The following L1TD1 variants were observed in gnomAD, a reference collection of about 807,000 sequenced individuals.
L1TD1 encodes the protein LINE1 type transposase domain containing 1, also known as LINE-1 type transposase domain-containing protein 1.
Under a neutral mutation model 25.7 loss-of-function variants are expected in L1TD1, and 26 were observed. The ratio of observed to expected loss-of-function variants is 1.01; its 90% CI spans 0.74 to 1.40. The LOEUF (loss-of-function observed/expected upper bound fraction) is 1.40. Ranked by LOEUF, L1TD1 falls within the 40% of genes most tolerant of loss-of-function variation. The pLI is 0.00. For synonymous variants in L1TD1, 421 were observed against 335.6 expected (o/e 1.25, Z -2.78); for missense variants, 1,130 against 975.0 (o/e 1.16, Z -2.12).
In L1TD1 at chr1:62,207,151, G is replaced by A. The variant is rs1189390573; in HGVS notation, c.523G>A (p.Glu175Lys). The A allele has an allele frequency of 3.2e-6, 5 of 1,566,488 alleles. No homozygotes were observed. Among genetic ancestry groups the A allele is most frequent in the African/African-American group, 1.4e-5 (1 of 73,728 alleles). Residue 175 changes from glutamate (E) to lysine (K), a missense_variant, in exon 3 of 4, where the codon GAA becomes AAA. Glu to Lys is a moderately conservative substitution (Grantham distance 56). Transcript: ENST00000498273. ...AAGTTACGAAGTCATGGGAAGTATG[G>A]AAGAAACCTTATGCAATATAGATGA... ...SRSYEVMGSMEETLCNIDDRD... is the reference protein window; with the variant it reads ...SRSYEVMGSMKETLCNIDDRD...
At chr1:62,202,825 A>C (rs1670668965) in intron 2 of L1TD1, among the ~76,000 whole-genome samples, 1 of 151,694 alleles carries the variant, frequency 6.6e-6, no homozygotes, top group African/African-American at 2.4e-5. Flanking sequence ...CTGGGATTAC[A>C]GGAACCCACC....
In L1TD1 at chr1:62,209,990, G is replaced by GA. The variant is rs200503897; in HGVS notation, c.1217dup (p.Glu407GlyfsTer22). On this transcript the variant is annotated frameshift_variant, in exon 4 of 4. Transcript: ENST00000498273. LOFTEE classifies it low-confidence loss of function (END_TRUNC). ...TGAAGATACCTCAGGGCTGGAGGAGGAGGAGGAAGAGCCCTCAGGGCTGGA... is the reference window on the plus strand; with the variant it reads ...TGAAGATACCTCAGGGCTGGAGGAGGAAGGAGGAAGAGCCCTCAGGGCTGGA... The GA allele has an allele frequency of 6.8e-7, 1 of 1,470,648 alleles. No homozygotes were observed. Among genetic ancestry groups the GA allele is most frequent in the African/African-American group, 1.6e-5 (1 of 64,480 alleles). The allele number at this position is 1,470,648 out of a possible 1,614,324, so 91.1% of individuals were successfully genotyped here.
Position 62,207,608 on chromosome 1 carries a change from G to A in L1TD1, c.980G>A (p.Gly327Glu), listed in dbSNP as rs953264905. The A allele has an allele frequency of 2.1e-5, 33 of 1,538,762 alleles. No individual in the cohort carries two copies. Among genetic ancestry groups the A allele is most frequent in the Non-Finnish European group, 2.8e-5 (32 of 1,142,912 alleles). ...CAAAAGGAAGAAATAAATCAAGGAGGAAGAAAATATGGAATTCAAGAAAAA... is the reference window on the plus strand; with the variant it reads ...CAAAAGGAAGAAATAAATCAAGGAGAAAGAAAATATGGAATTCAAGAAAAA... The part of the protein sequence containing the change: ...LPQKEEINQG[G>E]RKYGIQEKRD... Residue 327 changes from glycine to glutamate, a missense_variant, in exon 3 of 4, where the codon GGA becomes GAA. By Grantham distance (98) the Gly-to-Glu change is moderately conservative. Transcript: ENST00000498273.
intron 3 of L1TD1, among the ~76,000 whole-genome samples, chr1:62,209,070 A>G (rs978784928): frequency 8.5e-5 from 13 of 152,166 alleles, no homozygotes; most frequent in Admixed American, 4.6e-4. Context: ...TATATTGCAG[A>G]CATCATCAGA....
rs1570934024 is a variant in L1TD1, at chr1:62,211,658, T to G, written c.*286T>G. Reference sequence around the variant, plus strand: ...CCACCACCTCCCTACTGCAGTTGACTAGTCTTTTTAGAATTTATATTATCT... The same window carrying G: ...CCACCACCTCCCTACTGCAGTTGACGAGTCTTTTTAGAATTTATATTATCT... On this transcript the variant is annotated 3_prime_UTR_variant, in exon 4 of 4. Transcript: ENST00000498273. 7.7e-6 allele frequency: 2 copies of G among 258,192 alleles called. No homozygotes were observed. Among genetic ancestry groups the G allele is most frequent in the Non-Finnish European group, 7.2e-6 (1 of 138,894 alleles). 16.0% of individuals were successfully genotyped at this position (258,192 alleles called of 1,614,324 possible). A position where few individuals can be genotyped will look rare whatever the true frequency, so the allele number is the denominator to read the frequency against.
chr1:62,209,706 A>G, intron 3 of L1TD1, 77 bp from the exon 4 acceptor site: 1 of 1,184,678 alleles, frequency 8.4e-7, no homozygotes, highest in South Asian at 1.8e-5. Context: ...AAATTAGTGA[A>G]ATTGAAATTT....
Position 62,205,378 on chromosome 1 carries a change from T to TCTCC in L1TD1, c.-110-1138_-110-1137insCCTC, listed in dbSNP as rs1379338458. ...AAAACCAACGAAAACTCTCTTTCTC[T>TCTCC]CTCTCTCTCTTTCTCTCTCTCTCTC... On this transcript the variant is annotated intron_variant, in intron 2 of 3. Transcript: ENST00000498273. Among the ~76,000 whole-genome samples the TCTCC allele has an allele frequency of 3.9e-3, 324 of 82,740 alleles. 13 individuals carry two copies. Among genetic ancestry groups the TCTCC allele is most frequent in the Middle Eastern group, 0.018 (3 of 168 alleles). The allele number at this position is 82,740 out of a possible 152,430, so 54.3% of individuals were successfully genotyped here.
At chr1:62,197,888 A>G (rs947756444) in intron 2 of L1TD1, among the ~76,000 whole-genome samples, 1 of 94,424 alleles carries the variant, frequency 1.1e-5, no homozygotes, top group African/African-American at 3.3e-5. Flanking sequence ...AACAGAAGAA[A>G]ACAAAACAAA....
intron 2 of L1TD1, among the ~76,000 whole-genome samples, chr1:62,202,044 T>C: frequency 6.6e-6 from 1 of 152,246 alleles, no homozygotes; most frequent in East Asian, 1.9e-4. Context: ...CTCACGCCTG[T>C]AATCCCAGCA....
chr1:62,202,669 ATTTTTTTTTTTTT>A (rs35815437), intron 2 of L1TD1, among the ~76,000 whole-genome samples: 1 of 71,868 alleles, frequency 1.4e-5, no homozygotes, highest in Admixed American at 2.0e-4. Flanking sequence ...CCAGGGTTTA[ATTTTTTTTTTTTT>A]TTTTTTTTTT....
chr1:62,210,603 CAG>C lies in L1TD1; in HGVS notation c.1832_1833del (p.Glu611GlyfsTer9), dbSNP rs1287546004. 4 of 1,608,518 alleles carry C rather than the reference CAG, an allele frequency of 2.5e-6. No individual in the cohort carries two copies. In the African/African-American group the frequency reaches 4.0e-5, roughly 16 times the overall value. On this transcript the variant is annotated frameshift_variant, in exon 4 of 4. Transcript: ENST00000498273. LOFTEE classifies it low-confidence loss of function (END_TRUNC). ...CTAACATCCAAAGAAGCAGACTTAACAGAGGAAACAGAAGAAAACTTGAGAAG... is the reference window on the plus strand; with the variant it reads ...CTAACATCCAAAGAAGCAGACTTAACAGGAAACAGAAGAAAACTTGAGAAG...
intron 2 of L1TD1, among the ~76,000 whole-genome samples, chr1:62,198,926 C>CT (rs1670593276): frequency 6.6e-6 from 1 of 151,880 alleles, no homozygotes; most frequent in Admixed American, 6.6e-5. Flanking sequence ...TAACCTTGAA[C>CT]TCCTGGGCTC....
chr1:62,204,996 G>A (rs1670707472), intron 2 of L1TD1, among the ~76,000 whole-genome samples: 1 of 152,060 alleles, frequency 6.6e-6, no homozygotes, highest in African/African-American at 2.4e-5. Context: ...AATCTCCTGA[G>A]CTCAAGTGAT....
At chr1:62,195,326 C>A (rs1337995092) in intron 1 of L1TD1, among the ~76,000 whole-genome samples, 1 of 152,242 alleles carries the variant, frequency 6.6e-6, no homozygotes, top group Non-Finnish European at 1.5e-5. Context: ...CTTTCCCTTA[C>A]TGTCCGTGGC....
At chr1:62,200,565 A>G (rs1670622690) in intron 2 of L1TD1, among the ~76,000 whole-genome samples, 1 of 152,138 alleles carries the variant, frequency 6.6e-6, no homozygotes, top group South Asian at 2.1e-4. Context: ...GTGTGCATAA[A>G]TCATCATTTG....
intron 2 of L1TD1, among the ~76,000 whole-genome samples, chr1:62,201,572 T>C (rs1670640149): frequency 6.6e-6 from 1 of 152,008 alleles, no homozygotes; most frequent in South Asian, 2.1e-4. Context: ...AAACAAATAT[T>C]TTCCCCCATT....
At chr1:62,195,351 ACT>A (rs1292544070) in intron 1 of L1TD1, among the ~76,000 whole-genome samples, 5 of 152,180 alleles carry the variant, frequency 3.3e-5, no homozygotes, top group Admixed American at 1.3e-4. Flanking sequence ...TGAGAAAAAA[ACT>A]CTCCTAAGAC....
chr1:62,205,387 CTT>C (rs1345449591), intron 2 of L1TD1, among the ~76,000 whole-genome samples: 2,057 of 53,266 alleles, frequency 0.039, 51 homozygotes, highest in African/African-American at 0.058. Flanking sequence ...CTCTCTCTCT[CTT>C]TCTCTCTCTC....
At position 62,210,267 on chromosome 1, in the gene L1TD1, C is replaced by T; in HGVS notation, c.1493C>T (p.Thr498Ile). ...GGAAAGGTAAAGACTACCTCCCTGA[C>T]TGAGAAAAAAGCCTCACGTAGACAA... ...ETGKVKTTSL[T>I]EKKASRRQKE... is the part of the protein sequence containing the mutation. Residue 498 changes from threonine (T) to isoleucine (I), a missense_variant, in exon 4 of 4, where the codon ACT (threonine) becomes ATT (isoleucine). Thr to Ile is a moderately conservative substitution (Grantham distance 89). Transcript: ENST00000498273. 1.2e-6 allele frequency: 2 copies of T among 1,614,066 alleles called. No homozygotes were observed. The highest frequency in any genetic ancestry group is 1.7e-6 in the Non-Finnish European group (2 of 1,180,004).
Sources: allele counts gnomAD v4.1 joint callset (sites outside exome capture counted in the v4.1 genomes callset), GRCh38; gene constraint gnomAD v4.1.1; transcripts MANE v1.5; gene names NCBI Gene and HGNC (gene_info 2026-07-23, HGNC 2026-07-21).